EPG5: variants seen among roughly 807,000 people sequenced by gnomAD.
EPG5 encodes the protein ectopic P-granules 5 autophagy tethering factor.
Under a neutral mutation model 302.7 loss-of-function variants are expected in EPG5, and 159 were observed. The ratio of observed to expected loss-of-function variants is 0.53; its 90% CI spans 0.46 to 0.60. EPG5 has a LOEUF of 0.60. EPG5 is among the 20% of genes least tolerant of loss of function. EPG5 has a pLI of 0.00. For synonymous variants in EPG5, 1,158 were observed against 1,136.8 expected, an observed-to-expected ratio of 1.02 and a Z score of -0.37; for missense variants, 2,896 against 3,092.4, an observed-to-expected ratio of 0.94 and a Z score of 1.51.
chr18:45,816,642 C>T, the EPG5 span, among the ~76,000 whole-genome samples: 14 of 152,206 alleles, frequency 9.2e-5, no homozygotes, highest in African/African-American at 3.1e-4. Context: ...GTGGATGCGG[C>T]GAAGAGGGAA....
At chr18:45,911,571 C>A (rs939047319) in intron 22 of EPG5, among the ~76,000 whole-genome samples, 21 of 151,758 alleles carry the variant, frequency 1.4e-4, no homozygotes, top group African/African-American at 4.8e-4. Flanking sequence ...GGATTACAGG[C>A]GTGAGCCACC....
the EPG5 span, among the ~76,000 whole-genome samples, chr18:45,803,082 T>C: frequency 6.6e-6 from 1 of 152,206 alleles, no homozygotes; most frequent in African/African-American, 2.4e-5. Flanking sequence ...GGCATTGTAA[T>C]TTGAAAAGCA....
In EPG5 at chr18:45,849,987, C is replaced by A; in HGVS notation, c.*2480G>T. 1 of 152,340 alleles carries A rather than the reference C, an allele frequency of 6.6e-6. No homozygotes were observed. The allele number at this position is 152,340 out of a possible 1,614,324, so 9.4% of individuals were successfully genotyped here. On this transcript the variant is annotated 3_prime_UTR_variant, in exon 44 of 44. Coordinates refer to ENST00000282041, the MANE Select transcript of EPG5 (RefSeq NM_020964.3). ...AATAGGCAGTGGGACAACATGATTCCGGGATGCAGCCTGCCTCTGCAACCC... is the reference window on the plus strand; with the variant it reads ...AATAGGCAGTGGGACAACATGATTCAGGGATGCAGCCTGCCTCTGCAACCC...
chr18:45,803,379 G>A, the EPG5 span, among the ~76,000 whole-genome samples: 1 of 152,138 alleles, frequency 6.6e-6, no homozygotes, highest in Non-Finnish European at 1.5e-5. Context: ...TGAAGGCCCT[G>A]GAGAGTATAC....
chr18:45,880,720 C>T (rs1008155217), intron 31 of EPG5, among the ~76,000 whole-genome samples: 2 of 152,136 alleles, frequency 1.3e-5, no homozygotes, highest in East Asian at 3.9e-4. Flanking sequence ...GTCCAGCAGC[C>T]CATATTCTGA....
chr18:45,874,046 G>A (rs1260689522), intron 35 of EPG5, among the ~76,000 whole-genome samples: 5 of 152,220 alleles, frequency 3.3e-5, no homozygotes, highest in Non-Finnish European at 2.9e-5. Flanking sequence ...GGATTTTTAA[G>A]GCAGTGAAAC....
rs2143796397 is a variant in EPG5 at position 45,955,355 on chromosome 18, T to C, written c.64-17A>G. Reference sequence around the variant, plus strand: ...CTTCTTTTCCTAAAAACAACATACATAATGTGAAATAATTTATCACAATAA... The same window carrying C: ...CTTCTTTTCCTAAAAACAACATACACAATGTGAAATAATTTATCACAATAA... On this transcript the variant is annotated splice_polypyrimidine_tract_variant and intron_variant, in intron 1 of 43. Transcript: ENST00000282041. 6.9e-7 allele frequency: 1 copy of C among 1,448,790 alleles called. No homozygotes were observed. Among genetic ancestry groups the C allele is most frequent in the Non-Finnish European group, 9.3e-7 (1 of 1,077,568 alleles). 89.7% of individuals were successfully genotyped at this position (1,448,790 alleles called of 1,614,324 possible). A position where few individuals can be genotyped will look rare whatever the true frequency, so the allele number is the denominator to read the frequency against.
intron 14 of EPG5, among the ~76,000 whole-genome samples, chr18:45,925,248 G>C (rs775082356): frequency 7.9e-5 from 12 of 152,194 alleles, no homozygotes; most frequent in Non-Finnish European, 1.6e-4. Context: ...AGGCAAGGTG[G>C]ATCACTTGAG....
At position 45,900,984 on chromosome 18, in the gene EPG5, G is replaced by T. The variant is rs577902553; in HGVS notation, c.4646+12C>A. The stretch of plus-strand genomic sequence containing the variant: ...ACATGGGAACATGATCCGTGAGGCT[G>T]CATGGTCTTACCTGGCCTGCTGTTG... On this transcript the variant is annotated intron_variant, in intron 26 of 43. Coordinates refer to ENST00000282041, the MANE Select transcript of EPG5 (RefSeq NM_020964.3). 2.6e-5 allele frequency: 41 copies of T among 1,601,262 alleles called. No individual in the cohort carries two copies. In the East Asian group the frequency reaches 9.0e-4, roughly 35 times the overall value.
Position 45,954,441 on chromosome 18 carries a change from C to T in EPG5, c.961G>A (p.Ala321Thr), listed in dbSNP as rs771518381. The change falls in exon 2 of 44, where the codon GCT becomes ACT. Residue 321 changes from alanine (A) to threonine (T), a missense_variant. Ala to Thr is a moderately conservative substitution (Grantham distance 58, BLOSUM62 0). Coordinates refer to ENST00000282041, the MANE Select transcript of EPG5 (RefSeq NM_020964.3). Reference sequence around the variant, plus strand: ...TTAAACTGCCACAGCCGACTTTTAGCATTTTGGCAATCAGATGTCAGAGTA... The same window carrying T: ...TTAAACTGCCACAGCCGACTTTTAGTATTTTGGCAATCAGATGTCAGAGTA... ...LLTLTSDCQN[A>T]KSRLWQFKEE... The T allele has an allele frequency of 1.9e-6, 3 of 1,613,850 alleles. 1 individual carries two copies. In the South Asian group the frequency reaches 3.3e-5, roughly 18 times the overall value.
At chr18:45,951,018 A>G in intron 4 of EPG5, 84 bp downstream of exon 4, 1 of 1,151,306 alleles carries the variant, frequency 8.7e-7, no homozygotes, top group Non-Finnish European at 1.1e-6. Context: ...AAAGTTGAAG[A>G]CCAAATGTAA....
rs556165500 is a variant in EPG5, at chr18:45,871,598, C to T, written c.6050-856G>A. Among the ~76,000 whole-genome samples, 4 of 152,224 alleles carry T rather than the reference C, an allele frequency of 2.6e-5. No individual in the cohort carries two copies. In the South Asian group the frequency reaches 8.3e-4, roughly 32 times the overall value. The stretch of plus-strand genomic sequence containing the variant: ...TATACACAATGGAATACCAGTCTGC[C>T]TTAGAAGAGGAGGAAATCCTGTCAT... On this transcript the variant is annotated intron_variant, in intron 35 of 43. Coordinates refer to ENST00000282041, the MANE Select transcript of EPG5 (RefSeq NM_020964.3).
chr18:45,865,882 G>T, intron 38 of EPG5, 123 bp from the exon 39 acceptor site: 1 of 1,091,054 alleles, frequency 9.2e-7, no homozygotes, highest in Non-Finnish European at 1.3e-6. Flanking sequence ...GACAGAACAG[G>T]AAGCCACATG....
At position 45,915,627 on chromosome 18, in the gene EPG5, C is replaced by G; in HGVS notation, c.3583-6G>C. 6.2e-7 allele frequency: 1 copy of G among 1,607,712 alleles called. No individual in the cohort carries two copies. Among genetic ancestry groups the G allele is most frequent in the Non-Finnish European group, 8.5e-7 (1 of 1,174,390 alleles). ...CAGTGGTAACCCAAGGCATTCTACA[C>G]CGGGAGATGTGGAGCAGAGAGAGGA... On this transcript the variant is annotated splice_region_variant and splice_polypyrimidine_tract_variant and intron_variant, in intron 19 of 43. Transcript: ENST00000282041.
chr18:45,901,716 T>C (rs2049623553), intron 25 of EPG5, among the ~76,000 whole-genome samples: 1 of 152,078 alleles, frequency 6.6e-6, no homozygotes, highest in African/African-American at 2.4e-5. Context: ...CAGTCATTTA[T>C]TCATTCACTC....
intron 43 of EPG5, among the ~76,000 whole-genome samples, chr18:45,853,616 T>C (rs1355787981): frequency 6.6e-6 from 1 of 152,152 alleles, no homozygotes; most frequent in Non-Finnish European, 1.5e-5. Flanking sequence ...AAAATATGTA[T>C]TAAAAGATGG....
At position 45,880,002 on chromosome 18, in the gene EPG5, A is replaced by G. The variant is rs531398773; in HGVS notation, c.5667+73T>C. The G allele has an allele frequency of 4.1e-6, 6 of 1,457,778 alleles. No individual in the cohort carries two copies. In the South Asian group the frequency reaches 7.3e-5, roughly 18 times the overall value. 90.3% of individuals were successfully genotyped at this position (1,457,778 alleles called of 1,614,324 possible). On this transcript the variant is annotated intron_variant, in intron 32 of 43. Transcript: ENST00000282041. ...TTAAAGATAATGCACAAGTTTTCCA[A>G]CTGCTTAAAAAATGAATAGCAAGGG... is the stretch of plus-strand genomic sequence containing the variant.
At position 45,914,776 on chromosome 18, in the gene EPG5, G is replaced by A. The variant is rs77878646; in HGVS notation, c.3693+735C>T. ...CAGTCTCTGCAGTCCGGCTGGCTGCGGTATGATCAAGAGCTGTCTACTCCT... is the reference window on the plus strand; with the variant it reads ...CAGTCTCTGCAGTCCGGCTGGCTGCAGTATGATCAAGAGCTGTCTACTCCT... On this transcript the variant is annotated intron_variant, in intron 20 of 43. Coordinates refer to ENST00000282041, the MANE Select transcript of EPG5 (RefSeq NM_020964.3). Among the ~76,000 whole-genome samples, 1,004 of 152,148 alleles carry A rather than the reference G, an allele frequency of 6.6e-3. 15 individuals carry two copies. The highest frequency in any genetic ancestry group is 0.023 in the African/African-American group (963 of 41,486).
chr18:45,814,729 A>T, the EPG5 span, among the ~76,000 whole-genome samples: 9 of 152,172 alleles, frequency 5.9e-5, no homozygotes, highest in African/African-American at 2.2e-4. Context: ...GAGAAATTGA[A>T]TTATCTGCCT....
Sources: gnomAD v4.1 joint callset for allele counts (sites outside exome capture counted in the v4.1 genomes callset) on GRCh38, gnomAD v4.1.1 for gene constraint, MANE v1.5 for transcripts, NCBI Gene and HGNC (gene_info 2026-07-23, HGNC 2026-07-21) for gene names.